The following TLR3 variants were observed in gnomAD, a reference collection of about 807,000 sequenced individuals.
TLR3 encodes the protein toll like receptor 3.
Under a neutral mutation model 66.4 loss-of-function variants are expected in TLR3, and 43 were observed. The observed-to-expected ratio is 0.65, with a 90% CI of 0.51 to 0.83. The LOEUF is 0.83. Ranked by LOEUF, TLR3 falls within the 40% of genes least tolerant of loss-of-function variation. The pLI is 0.00. For missense variants in TLR3, 982 were observed against 1,044.6 expected, an observed-to-expected ratio of 0.94 and a Z score of 0.83; for synonymous variants, 397 against 397.2, an observed-to-expected ratio of 1.00 and a Z score of 0.01.
intron 3 of TLR3, among the ~76,000 whole-genome samples, chr4:186,080,486 G>T (rs895113581): frequency 2.6e-5 from 4 of 151,978 alleles, no homozygotes; most frequent in Non-Finnish European, 4.4e-5. Context: ...TTACTGTACT[G>T]AAATTCACAC....
chr4:186,071,177 G>T (rs1004734831), intron 1 of TLR3, among the ~76,000 whole-genome samples: 3 of 152,104 alleles, frequency 2.0e-5, no homozygotes, highest in Non-Finnish European at 4.4e-5. Flanking sequence ...AATTTCATAG[G>T]AGTCTCTCCA....
intron 3 of TLR3, among the ~76,000 whole-genome samples, chr4:186,081,419 T>C (rs2099303436): frequency 6.6e-6 from 1 of 152,038 alleles, no homozygotes; most frequent in Admixed American, 6.6e-5. Flanking sequence ...CAGCCAAGGC[T>C]CTGGTAAGGG....
At position 186,084,773 on chromosome 4, in the gene TLR3, A is replaced by G. The variant is rs2099304099; in HGVS notation, c.2615A>G (p.Lys872Arg). The change falls in exon 5 of 5, where the codon AAA becomes AGA. Residue 872 changes from lysine (K) to arginine (R), a missense_variant. Lys to Arg is a conservative substitution (Grantham distance 26). Around this residue, in one of 3 missense-constraint regions of TLR3, gnomAD observed 666 missense variants for 709.0 expected, o/e 0.94. Coordinates refer to ENST00000296795, the MANE Select transcript of TLR3 (RefSeq NM_003265.3). Reference protein sequence around the residue: ...HALCLRRGMFKSHCILNWPVQ... With the variant: ...HALCLRRGMFRSHCILNWPVQ... ...CTCTGTTTGCGAAGAGGAATGTTTA[A>G]ATCTCACTGCATCTTGAACTGGCCA... 6.2e-7 allele frequency: 1 copy of G among 1,614,154 alleles called. No homozygotes were observed. Among genetic ancestry groups the G allele is most frequent in the Non-Finnish European group, 8.5e-7 (1 of 1,180,012 alleles).
At chr4:186,084,201 T>C (rs1317736650) in intron 4 of TLR3, 29 bp downstream of exon 4, 3 of 1,604,102 alleles carry the variant, frequency 1.9e-6, no homozygotes, top group Non-Finnish European at 2.6e-6. Flanking sequence ...ATTTTAAGTG[T>C]GTACTTGCTT....
At chr4:186,084,225 C>CTTTT in intron 4 of TLR3, 53 bp downstream of exon 4, 1 of 1,316,436 alleles carries the variant, frequency 7.6e-7, no homozygotes, top group Non-Finnish European at 1.0e-6. Context: ...AATTAAATTT[C>CTTTT]TTTTTTTTTT....
chr4:186,084,019 A>G lies in TLR3; in HGVS notation c.2333A>G (p.Glu778Gly). 4.3e-6 allele frequency: 7 copies of G among 1,614,186 alleles called. No homozygotes were observed. The highest frequency in any genetic ancestry group is 5.9e-6 in the Non-Finnish European group (7 of 1,180,028). ...DWVWEHFSSM[E>G]KEDQSLKFCL... ...GTCTGGGAACATTTCTCTTCAATGG[A>G]AAAGGAAGACCAATCTCTCAAATTT... is the stretch of plus-strand genomic sequence containing the variant. Residue 778 changes from glutamate to glycine, a missense_variant, in exon 4 of 5, where the codon GAA becomes GGA. Transcript: ENST00000296795.
chr4:186,079,016 GA>G lies in TLR3; in HGVS notation c.620del (p.Asn207IlefsTer22). 6.2e-7 allele frequency: 1 copy of G among 1,613,358 alleles called. No homozygotes were observed. The highest frequency in any genetic ancestry group is 8.5e-7 in the Non-Finnish European group (1 of 1,179,588). On this transcript the variant is annotated frameshift_variant, in exon 3 of 5. Coordinates refer to ENST00000296795, the MANE Select transcript of TLR3 (RefSeq NM_003265.3). LOFTEE classifies it high-confidence loss of function. Reference protein sequence around the residue: ...SSLKKLELSSNQIKEFSPGCF... With the variant: ...SSLKKLELSSXQIKEFSPGCF... ...CTTTAAAAAAATTAGAGTTGTCATC[GA>G]ATCAAATTAAAGAGGTAAGAAGTAA...
intron 1 of TLR3, among the ~76,000 whole-genome samples, chr4:186,072,023 A>T (rs1561368880): frequency 6.6e-6 from 1 of 152,190 alleles, no homozygotes; most frequent in Non-Finnish European, 1.5e-5. Flanking sequence ...CAATGTATGG[A>T]GTTGAGTGGC....
chr4:186,080,882 G>A (rs761517921), intron 3 of TLR3, among the ~76,000 whole-genome samples: 10 of 152,132 alleles, frequency 6.6e-5, no homozygotes, highest in African/African-American at 1.7e-4. Flanking sequence ...GTGAGCCACC[G>A]CGCCCAGCCT....
In TLR3 at chr4:186,086,962, G is replaced by A. The variant is rs538843893; in HGVS notation, c.*2089G>A. ...AAAAGCCGGGTTACAGGATTTTCTG[G>A]GGTTTAAATACTCTCTAGAGGTTTC... On this transcript the variant is annotated 3_prime_UTR_variant, in exon 5 of 5. Coordinates refer to ENST00000296795, the MANE Select transcript of TLR3 (RefSeq NM_003265.3). 3 of 152,222 alleles carry A rather than the reference G, an allele frequency of 2.0e-5. No homozygotes were observed. The highest frequency in any genetic ancestry group is 2.1e-4 in the South Asian group (1 of 4,812). 9.4% of individuals were successfully genotyped at this position (152,222 alleles called of 1,614,324 possible).
rs1477953643 is a variant in TLR3 at position 186,087,400 on chromosome 4, C to T, written c.*2527C>T. The T allele has an allele frequency of 2.0e-5, 3 of 152,134 alleles. No individual in the cohort carries two copies. Among genetic ancestry groups the T allele is most frequent in the Non-Finnish European group, 4.4e-5 (3 of 68,038 alleles). The allele number at this position is 152,134 out of a possible 1,614,324, so 9.4% of individuals were successfully genotyped here. ...CTGTGTAATTGTTCTCCGGAGGAAC[C>T]CTTGTCCCTGGGGTTTGAGAGAAGG... is the stretch of plus-strand genomic sequence containing the variant. On this transcript the variant is annotated 3_prime_UTR_variant, in exon 5 of 5. Transcript: ENST00000296795.
chr4:186,084,781 T>A lies in TLR3; in HGVS notation c.2623T>A (p.Cys875Ser), dbSNP rs146846379. The change falls in exon 5 of 5, where the codon TGC (cysteine) becomes AGC (serine). Residue 875 changes from cysteine (C) to serine (S), a missense_variant. Cys to Ser is a moderately radical substitution (Grantham distance 112). This residue lies in a region of TLR3 where 666 missense variants were observed against 709.0 expected (regional missense o/e 0.94). Coordinates refer to ENST00000296795, the MANE Select transcript of TLR3 (RefSeq NM_003265.3). ...GCGAAGAGGAATGTTTAAATCTCAC[T>A]GCATCTTGAACTGGCCAGTTCAGAA... ...CLRRGMFKSH[C>S]ILNWPVQKER... 3.9e-5 allele frequency: 63 copies of A among 1,614,028 alleles called. No individual in the cohort carries two copies. Among genetic ancestry groups the A allele is most frequent in the Non-Finnish European group, 5.3e-5 (62 of 1,180,024 alleles).
At position 186,083,579 on chromosome 4, in the gene TLR3, GC is replaced by G; in HGVS notation, c.1895del (p.Pro632GlnfsTer6). The G allele has an allele frequency of 6.2e-7, 1 of 1,612,838 alleles. No individual in the cohort carries two copies. Among genetic ancestry groups the G allele is most frequent in the Non-Finnish European group, 8.5e-7 (1 of 1,179,588 alleles). Reference sequence around the variant, plus strand: ...CATCCGTTGAGAAGAAGGTTTTCGGGCCAGCTTTCAGGAACCTGACTGAGTT... The same window carrying G: ...CATCCGTTGAGAAGAAGGTTTTCGGGCAGCTTTCAGGAACCTGACTGAGTT... ...ITSVEKKVFGPAFRNLTELDM... is the reference protein window; with the variant it reads ...ITSVEKKVFGXAFRNLTELDM... On this transcript the variant is annotated frameshift_variant, in exon 4 of 5. Coordinates refer to ENST00000296795, the MANE Select transcript of TLR3 (RefSeq NM_003265.3). LOFTEE classifies it high-confidence loss of function. The surrounding 1 kb of genome is among the most constrained non-coding windows in gnomAD (Gnocchi z 4.0).
At position 186,078,978 on chromosome 4, in the gene TLR3, T is replaced by G; in HGVS notation, c.580T>G (p.Phe194Val). 6.2e-7 allele frequency: 1 copy of G among 1,613,962 alleles called. No homozygotes were observed. The highest frequency in any genetic ancestry group is 8.5e-7 in the Non-Finnish European group (1 of 1,179,978). The change falls in exon 3 of 5, where the codon TTT (phenylalanine) becomes GTT (valine). Residue 194 changes from phenylalanine to valine, a missense_variant. By Grantham distance (50) the Phe-to-Val change is conservative. This residue lies in a region of TLR3 where 313 missense variants were observed against 319.0 expected (regional missense o/e 0.98). Transcript: ENST00000296795. ...QALKSEELDI[F>V]ANSSLKKLEL... is the part of the protein sequence containing the mutation. ...GCTAAAAAGTGAAGAACTGGATATC[T>G]TTGCCAATTCATCTTTAAAAAAATT... is the stretch of plus-strand genomic sequence containing the variant.
chr4:186,084,747 A>C lies in TLR3; in HGVS notation c.2589A>C (p.Ala863=). ...TTCCAGATTATAAACTGAACCATGCACTCTGTTTGCGAAGAGGAATGTTTA... is the reference window on the plus strand; with the variant it reads ...TTCCAGATTATAAACTGAACCATGCCCTCTGTTTGCGAAGAGGAATGTTTA... The part of the protein sequence containing the change: ...EEIPDYKLNH[A]LCLRRGMFKS... Residue 863 remains alanine, a synonymous_variant, in exon 5 of 5, where the codon GCA becomes GCC. Transcript: ENST00000296795. 6.2e-7 allele frequency: 1 copy of C among 1,613,964 alleles called. No homozygotes were observed. Among genetic ancestry groups the C allele is most frequent in the Non-Finnish European group, 8.5e-7 (1 of 1,179,932 alleles).
At position 186,078,872 on chromosome 4, in the gene TLR3, C is replaced by G. The variant is rs2099302915; in HGVS notation, c.474C>G (p.Gly158=). 6.2e-7 allele frequency: 1 copy of G among 1,613,806 alleles called. No individual in the cohort carries two copies. Among genetic ancestry groups the G allele is most frequent in the African/African-American group, 1.3e-5 (1 of 74,880 alleles). ...NLITLDLSHN[G]LSSTKLGTQV... ...TCACATTAGATCTGTCTCATAATGG[C>G]TTGTCATCTACAAAATTAGGAACTC... is the stretch of plus-strand genomic sequence containing the variant. Residue 158 remains glycine (G), a synonymous_variant, in exon 3 of 5, where the codon GGC becomes GGG. Transcript: ENST00000296795.
intron 1 of TLR3, among the ~76,000 whole-genome samples, chr4:186,072,404 C>T (rs1010973137): frequency 3.0e-4 from 45 of 151,982 alleles, no homozygotes; most frequent in African/African-American, 1.1e-3. Context: ...CCTCCGCTTC[C>T]CTAGTTCAAG....
rs2099301027 is a variant in TLR3, at chr4:186,069,258, G to A, written c.-8+10G>A. ...GCTAGCAGTCATCCAAGTAAGTGAA[G>A]GTGTTCATTTCACGTTCTTACTGGG... On this transcript the variant is annotated intron_variant, in intron 1 of 4. Transcript: ENST00000296795. The A allele has an allele frequency of 6.6e-6, 1 of 152,194 alleles. No homozygotes were observed. The highest frequency in any genetic ancestry group is 2.4e-5 in the African/African-American group (1 of 41,462). 9.4% of individuals were successfully genotyped at this position (152,194 alleles called of 1,614,324 possible).
chr4:186,082,200 G>T (rs1408839280), intron 3 of TLR3, 120 bp from the exon 4 acceptor site: 1 of 878,682 alleles, frequency 1.1e-6, no homozygotes. Flanking sequence ...ACTCCAGCCT[G>T]GGCGACAGAG....
Sources: gnomAD v4.1 joint callset for allele counts (sites outside exome capture counted in the v4.1 genomes callset) on GRCh38, gnomAD v4.1.1 for gene constraint, gnomAD v4.1.1 regional missense constraint, Gnocchi (gnomAD v3.1) non-coding constraint, MANE v1.5 for transcripts, NCBI Gene and HGNC (gene_info 2026-07-23, HGNC 2026-07-21) for gene names.